The following LITAF variants were observed in gnomAD, a reference collection of about 807,000 sequenced individuals.
The protein encoded by LITAF is lipopolysaccharide-induced tumor necrosis factor-alpha factor.
Under a neutral mutation model 14.5 loss-of-function variants are expected in LITAF, and 9 were observed. That is an observed-to-expected ratio of 0.62 (90% CI 0.37 to 1.08). LITAF has a LOEUF of 1.08. Among genes scored for constraint, LITAF ranks in the 50% least tolerant of loss-of-function variants. The pLI is 0.01. For synonymous variants in LITAF, 98 were observed against 88.2 expected (o/e 1.11, Z -0.62); for missense variants, 206 against 213.4 (o/e 0.97, Z 0.22).
At chr16:11,556,481 G>C in intron 2 of LITAF, 30 bp downstream of exon 2, 2 of 1,587,806 alleles carry the variant, frequency 1.3e-6, no homozygotes, top group Non-Finnish European at 1.7e-6. Flanking sequence ...GCCAAGGAAT[G>C]GTAAGGGGGG....
intron 3 of LITAF, among the ~76,000 whole-genome samples, chr16:11,550,074 G>A (rs2064161333): frequency 6.6e-6 from 1 of 152,198 alleles, no homozygotes; most frequent in Non-Finnish European, 1.5e-5. Context: ...TGAAGCCTTA[G>A]GAGGGAGCGT....
At chr16:11,585,315 T>C (rs1213469034) in intron 1 of LITAF, among the ~76,000 whole-genome samples, 3 of 151,986 alleles carry the variant, frequency 2.0e-5, no homozygotes, top group South Asian at 2.1e-4. Context: ...CATTACAAGA[T>C]ACTTTCTCAA....
chr16:11,574,438 G>A (rs563979051), intron 1 of LITAF, among the ~76,000 whole-genome samples: 1 of 152,342 alleles, frequency 6.6e-6, no homozygotes, highest in Non-Finnish European at 1.5e-5. Flanking sequence ...AGGTGGACTA[G>A]GGGATGGGGT....
rs766801773 is a variant in LITAF at position 11,616,911 on chromosome 16, CA to C, written c.85+16621del. Among the ~76,000 whole-genome samples the C allele has an allele frequency of 3.9e-3, 322 of 83,084 alleles. 8 individuals are homozygous for C. The highest frequency in any genetic ancestry group is 0.015 in the South Asian group (34 of 2,246). 54.5% of individuals were successfully genotyped at this position (83,084 alleles called of 152,430 possible). On this transcript the variant is annotated intron_variant, in intron 3 of 3. Transcript: ENST00000574848. ...TGGGAAAGAGAGCAAGACTCTATCT[CA>C]AAAAAAAAAAAAAAAAAAAGATGCC... is the stretch of plus-strand genomic sequence containing the variant.
chr16:11,599,413 A>G (rs1012782327), upstream of LITAF, among the ~76,000 whole-genome samples: 10 of 152,120 alleles, frequency 6.6e-5, no homozygotes, highest in Non-Finnish European at 1.3e-4. Flanking sequence ...TCTTTCAGCT[A>G]TTATGATGAT....
At chr16:11,564,980 C>T (rs920559634) in intron 1 of LITAF, among the ~76,000 whole-genome samples, 2 of 147,858 alleles carry the variant, frequency 1.4e-5, no homozygotes, top group Middle Eastern at 7.1e-3. Flanking sequence ...CACAATGCTA[C>T]GAACTTACTA....
chr16:11,603,101 A>G (rs1320462118), upstream of LITAF, among the ~76,000 whole-genome samples: 1 of 152,142 alleles, frequency 6.6e-6, no homozygotes, highest in Non-Finnish European at 1.5e-5. Context: ...GCAATCTAGA[A>G]AATAAAATAG....
At chr16:11,582,248 T>C (rs973921970) in intron 1 of LITAF, among the ~76,000 whole-genome samples, 1 of 143,218 alleles carries the variant, frequency 7.0e-6, no homozygotes, top group Non-Finnish European at 1.5e-5. Flanking sequence ...AAAGAGAAAA[T>C]GGTCAATGGC....
intron 3 of LITAF, among the ~76,000 whole-genome samples, chr16:11,622,966 A>G (rs2065060500): frequency 6.8e-6 from 1 of 147,172 alleles, no homozygotes; most frequent in Admixed American, 6.8e-5. Context: ...ATATATATAT[A>G]TATATAATTT....
rs1432850891 is a variant in LITAF, at chr16:11,586,230, T to TC, written c.-6+655_-6+656insG. 6.6e-6 allele frequency: 1 copy of TC among 152,064 alleles called. No individual in the cohort carries two copies. Among genetic ancestry groups the TC allele is most frequent in the Non-Finnish European group, 1.5e-5 (1 of 68,058 alleles). The allele number at this position is 152,064 out of a possible 1,614,324, so 9.4% of individuals were successfully genotyped here. ...TAAGAGGACCCCTGCGCTCGCGGGG[T>TC]GCCCGCCTTACCCCGCGGGGAGGGG... is the stretch of plus-strand genomic sequence containing the variant. On this transcript the variant is annotated intron_variant, in intron 1 of 3. Transcript: ENST00000622633. This position sits in a 1 kb window ranked among gnomAD's most constrained non-coding sequence, Gnocchi z 6.5.
intron 1 of LITAF, among the ~76,000 whole-genome samples, chr16:11,565,025 A>C (rs2064429234): frequency 7.9e-6 from 1 of 126,826 alleles, no homozygotes; most frequent in Non-Finnish European, 1.7e-5. Context: ...TTTTTTTGAG[A>C]TAGAGTCTTG....
At chr16:11,638,382 A>C (rs2065151694), upstream of LITAF, among the ~76,000 whole-genome samples, 1 of 151,916 alleles carries the variant, frequency 6.6e-6, no homozygotes, top group Non-Finnish European at 1.5e-5. Context: ...ATAAGAACTG[A>C]GTAGGTGTCC....
intron 1 of LITAF, among the ~76,000 whole-genome samples, chr16:11,568,688 T>TTTG (rs2064495700): frequency 6.7e-6 from 1 of 150,236 alleles, no homozygotes; most frequent in African/African-American, 2.4e-5. Flanking sequence ...TTTTTGTTTT[T>TTTG]TTTTTTTTTG....
chr16:11,621,851 TC>T (rs1433963711), intron 3 of LITAF, among the ~76,000 whole-genome samples: 1 of 151,998 alleles, frequency 6.6e-6, no homozygotes, highest in Non-Finnish European at 1.5e-5. Flanking sequence ...CTCTCAGAGC[TC>T]CGGGGCAATG....
chr16:11,573,788 A>G (rs576588757), intron 1 of LITAF, among the ~76,000 whole-genome samples: 7 of 135,482 alleles, frequency 5.2e-5, no homozygotes, highest in African/African-American at 1.4e-4. Flanking sequence ...TGCAACCTCC[A>G]CTTCTCAGGT....
At chr16:11,590,984 C>T (rs781203109), upstream of LITAF, among the ~76,000 whole-genome samples, 6 of 117,284 alleles carry the variant, frequency 5.1e-5, 2 homozygotes, top group Non-Finnish European at 1.0e-4. Context: ...CCACCTGCCT[C>T]GGCCTTCCAA....
chr16:11,554,118 G>T (rs375281701), intron 2 of LITAF, among the ~76,000 whole-genome samples: 50 of 152,254 alleles, frequency 3.3e-4, no homozygotes, highest in African/African-American at 1.1e-3. Flanking sequence ...TGTAGTCCCA[G>T]CTACTCAGGA....
At chr16:11,561,033 ACCCT>A (rs2064355029) in intron 1 of LITAF, 1 of 152,128 alleles carries the variant, frequency 6.6e-6, no homozygotes, top group African/African-American at 2.4e-5. Flanking sequence ...ACGACAGGGC[ACCCT>A]GGGGGTCTGG....
chr16:11,605,503 A>G lies in LITAF; in HGVS notation c.85+28030T>C, dbSNP rs1347924382. On this transcript the variant is annotated intron_variant, in intron 3 of 3. Transcript: ENST00000574848. The surrounding 1 kb of genome is among the most constrained non-coding windows in gnomAD (Gnocchi z 4.7). ...TCTTTACAGCCCAGAGCCGCACAGGAGGGAGACTCCTAGGCAGGGGCCGCA... is the reference window on the plus strand; with the variant it reads ...TCTTTACAGCCCAGAGCCGCACAGGGGGGAGACTCCTAGGCAGGGGCCGCA... Among the ~76,000 whole-genome samples the G allele has an allele frequency of 6.6e-6, 1 of 152,064 alleles. No homozygotes were observed. The highest frequency in any genetic ancestry group is 1.5e-5 in the Non-Finnish European group (1 of 67,988).
Sources: gnomAD v4.1 joint callset for allele counts (sites outside exome capture counted in the v4.1 genomes callset) on GRCh38, gnomAD v4.1.1 for gene constraint, Gnocchi (gnomAD v3.1) non-coding constraint, MANE v1.5 for transcripts, NCBI Gene and HGNC (gene_info 2026-07-23, HGNC 2026-07-21) for gene names.